Variants in FOXP2 observed in about 807,000 individuals in gnomAD.
FOXP2 encodes forkhead box P2, also known as forkhead box protein P2.
FOXP2 carries 12 observed loss-of-function variants against 115.8 expected under a neutral mutation model. The ratio of observed to expected loss-of-function variants is 0.10; its 90% confidence interval spans 0.07 to 0.17. The LOEUF is 0.17. Among genes scored for constraint, FOXP2 ranks in the 10% least tolerant of loss-of-function variants. The pLI, the probability that FOXP2 is intolerant of heterozygous loss-of-function variation, is 1.00. For missense variants in FOXP2, 629 were observed against 843.5 expected (o/e 0.75, Z 3.15); for synonymous variants, 328 against 297.7 (o/e 1.10, Z -1.05).
intron 16 of FOXP2, among the ~76,000 whole-genome samples, chr7:114,687,054 G>A (rs188918642): frequency 2.0e-4 from 30 of 152,244 alleles, no homozygotes; most frequent in East Asian, 1.9e-3. Flanking sequence ...GCTGAATAAC[G>A]TGAAATGTCT....
In FOXP2 at chr7:114,691,422, G is replaced by A. The variant is rs1808661736; in HGVS notation, c.*1496G>A. The A allele has an allele frequency of 4.4e-6, 2 of 453,818 alleles. No homozygotes were observed. Among genetic ancestry groups the A allele is most frequent in the African/African-American group, 4.0e-5 (2 of 49,950 alleles). 28.1% of individuals were successfully genotyped at this position (453,818 alleles called of 1,614,324 possible). A position where few individuals can be genotyped will look rare whatever the true frequency, so the allele number is the denominator to read the frequency against. ...GGTATTTATTTTCAGTCAAACCAAA[G>A]TTACATATAATTCTGCCTCTGCTTA... On this transcript the variant is annotated 3_prime_UTR_variant, in exon 17 of 17. Coordinates refer to ENST00000350908, the MANE Select transcript of FOXP2 (RefSeq NM_014491.4).
At chr7:114,305,982 G>A (rs1797005473) in intron 2 of FOXP2, among the ~76,000 whole-genome samples, 1 of 150,684 alleles carries the variant, frequency 6.6e-6, no homozygotes, top group Non-Finnish European at 1.5e-5. Context: ...AAAGCAACTG[G>A]GCTTTTTCTT....
At chr7:114,654,887 C>T (rs10250103) in intron 10 of FOXP2, among the ~76,000 whole-genome samples, 50,685 of 151,890 alleles carry the variant, frequency 0.33, 9,969 homozygotes, top group Non-Finnish European at 0.46. Context: ...CAGAAGACGA[C>T]TATATTGTCT....
chr7:114,386,798 T>G (rs576553570), intron 2 of FOXP2, among the ~76,000 whole-genome samples: 5 of 152,258 alleles, frequency 3.3e-5, no homozygotes, highest in Non-Finnish European at 7.3e-5. Flanking sequence ...CATATCTTGC[T>G]ATTGTAATTA....
intron 1 of FOXP2, among the ~76,000 whole-genome samples, chr7:114,205,962 G>A (rs1238568930): frequency 6.6e-6 from 1 of 152,184 alleles, no homozygotes; most frequent in Admixed American, 6.5e-5. Context: ...AAGCTTGGTG[G>A]CATGCATATG....
chr7:114,443,656 A>G (rs191437996), intron 2 of FOXP2, among the ~76,000 whole-genome samples: 2 of 152,220 alleles, frequency 1.3e-5, no homozygotes, highest in East Asian at 3.9e-4. Context: ...TCCCACTTAT[A>G]AGTGAGAACA....
intron 1 of FOXP2, among the ~76,000 whole-genome samples, chr7:114,193,067 A>G (rs1332493818): frequency 1.3e-5 from 2 of 152,146 alleles, no homozygotes; most frequent in Non-Finnish European, 2.9e-5. Flanking sequence ...CATTATTTAT[A>G]GTAGATATTT....
intron 3 of FOXP2, among the ~76,000 whole-genome samples, chr7:114,612,531 G>T (rs1164021168): frequency 7.6e-6 from 1 of 132,120 alleles, no homozygotes. Context: ...ATTAAGAAAT[G>T]ACATTCAAGA....
intron 3 of FOXP2, among the ~76,000 whole-genome samples, chr7:114,616,162 G>T (rs1176885435): frequency 6.7e-6 from 1 of 148,366 alleles, no homozygotes; most frequent in African/African-American, 2.5e-5. Flanking sequence ...GTTTTTTGTT[G>T]TCGTTTTTGT....
chr7:114,382,714 T>C (rs1792338873), intron 2 of FOXP2, among the ~76,000 whole-genome samples: 1 of 152,166 alleles, frequency 6.6e-6, no homozygotes, highest in African/African-American at 2.4e-5. Context: ...AGGCAGACTT[T>C]TGAAGTTTTT....
chr7:114,676,954 C>G (rs1198037622), intron 16 of FOXP2, among the ~76,000 whole-genome samples: 1 of 152,006 alleles, frequency 6.6e-6, no homozygotes, highest in Non-Finnish European at 1.5e-5. Flanking sequence ...TAAATGAGGT[C>G]AGGAGATTGA....
intron 5 of FOXP2, chr7:114,630,666 GT>G (rs1804852814): frequency 6.5e-6 from 1 of 153,776 alleles, no homozygotes; most frequent in Non-Finnish European, 1.4e-5. Flanking sequence ...ACAGGAAACA[GT>G]TTTGACCTCC....
rs1371183221 is a variant in FOXP2, at chr7:114,130,753, C to T, written c.-246-32191C>T. ...GTACTACAGAAAATATATGCAAAGGCATCAGAATAGGTATTTGAGAAAATT... is the reference window on the plus strand; with the variant it reads ...GTACTACAGAAAATATATGCAAAGGTATCAGAATAGGTATTTGAGAAAATT... On this transcript the variant is annotated intron_variant, in intron 1 of 19. Transcript: ENST00000635638. Among the ~76,000 whole-genome samples the T allele has an allele frequency of 2.0e-5, 3 of 152,010 alleles. No individual in the cohort carries two copies. The East Asian group carries it at 5.8e-4, about 29-fold the overall frequency.
intron 2 of FOXP2, among the ~76,000 whole-genome samples, chr7:114,354,498 G>C (rs1368719500): frequency 6.6e-6 from 1 of 151,902 alleles, no homozygotes; most frequent in Non-Finnish European, 1.5e-5. Flanking sequence ...GCTGTACCTG[G>C]TTGGCAAAAT....
chr7:114,641,917 C>T (rs540661968), intron 6 of FOXP2, among the ~76,000 whole-genome samples: 25 of 151,966 alleles, frequency 1.6e-4, no homozygotes, highest in Admixed American at 1.1e-3. Flanking sequence ...GCAATTCTCC[C>T]GCCTCAACCT....
At chr7:114,457,658 G>A (rs749140630) in intron 2 of FOXP2, among the ~76,000 whole-genome samples, 14 of 152,074 alleles carry the variant, frequency 9.2e-5, no homozygotes, top group African/African-American at 3.1e-4. Flanking sequence ...CAGCACTTTC[G>A]GAGGCCAAGG....
At chr7:114,280,870 T>G (rs1796318070) in intron 1 of FOXP2, among the ~76,000 whole-genome samples, 2 of 152,088 alleles carry the variant, frequency 1.3e-5, no homozygotes, top group Non-Finnish European at 2.9e-5. Context: ...CTGTGCTTAC[T>G]TTTGCTTACA....
In FOXP2 at chr7:114,391,307, A is replaced by G. The variant is rs117401378; in HGVS notation, c.-10-35195A>G. ...GGGCATGCATCTGCTAATGTGTCAC[A>G]TGTCCTACCTTGCTTCTTCACTGGG... is the stretch of plus-strand genomic sequence containing the variant. On this transcript the variant is annotated intron_variant, in intron 2 of 17. Coordinates refer to the FOXP2 transcript ENST00000634411. Among the ~76,000 whole-genome samples, 917 of 152,286 alleles carry G rather than the reference A, an allele frequency of 6.0e-3. 6 individuals carry two copies. Among genetic ancestry groups the G allele is most frequent in the Non-Finnish European group, 9.5e-3 (646 of 68,024 alleles).
intron 1 of FOXP2, among the ~76,000 whole-genome samples, chr7:114,250,545 A>C (rs1442839170): frequency 6.6e-6 from 1 of 152,208 alleles, no homozygotes; most frequent in Non-Finnish European, 1.5e-5. Flanking sequence ...CCTGATGGCC[A>C]GTGATGATGA....
Sources: gnomAD v4.1 joint callset for allele counts (sites outside exome capture counted in the v4.1 genomes callset) on GRCh38, gnomAD v4.1.1 for gene constraint, MANE v1.5 for transcripts, NCBI Gene and HGNC (gene_info 2026-07-23, HGNC 2026-07-21) for gene names.